CRACD: variants seen among roughly 807,000 people sequenced by gnomAD.
CRACD encodes the protein capping protein inhibiting regulator of actin dynamics.
In CRACD, 56 loss-of-function variants were observed where a neutral mutation model predicts 106.8. That is an observed-to-expected ratio of 0.52 (90% CI 0.42 to 0.66). The LOEUF is 0.66. Ranked by LOEUF, CRACD falls within the 30% of genes least tolerant of loss-of-function variation. The pLI is 0.00. For missense variants in CRACD, 1,730 were observed against 1,623.2 expected, an observed-to-expected ratio of 1.07 and a Z score of -1.13; for synonymous variants, 754 against 670.8, an observed-to-expected ratio of 1.12 and a Z score of -1.92.
At chr4:56,214,681 C>CTCTCTCTCTCTCTCTCTCTCTCTA in intron 2 of CRACD, among the ~76,000 whole-genome samples, 2 of 80,970 alleles carry the variant, frequency 2.5e-5, no homozygotes, top group African/African-American at 4.3e-5. Context: ...CTCTCTCTCT[C>CTCTCTCTCTCTCTCTCTCTCTCTA]TATATATATA....
chr4:56,200,034 T>C (rs1316489744), intron 2 of CRACD, among the ~76,000 whole-genome samples: 1 of 151,858 alleles, frequency 6.6e-6, no homozygotes, highest in Non-Finnish European at 1.5e-5. Context: ...AGAAGTCTAT[T>C]ATTTTTTACC....
intron 2 of CRACD, among the ~76,000 whole-genome samples, chr4:56,214,681 C>CTCTCTCTCTCTCTCTATATATATATA: frequency 1.2e-5 from 1 of 80,970 alleles, no homozygotes; most frequent in African/African-American, 4.3e-5. Context: ...CTCTCTCTCT[C>CTCTCTCTCTCTCTCTATATATATATA]TATATATATA....
chr4:56,050,873 G>T (rs1731851561), intron 1 of CRACD, among the ~76,000 whole-genome samples: 1 of 152,144 alleles, frequency 6.6e-6, no homozygotes, highest in South Asian at 2.1e-4. Context: ...TCACTCTAAA[G>T]ACTTAGCAGT....
rs186613287 is a variant in CRACD, at chr4:56,318,241, C to T, written c.3187+1552C>T. On this transcript the variant is annotated intron_variant, in intron 8 of 10. Coordinates refer to ENST00000682029, the MANE Select transcript of CRACD (RefSeq NM_001393381.1). The stretch of plus-strand genomic sequence containing the variant: ...TGAACTCCTGGGATCATGCATCCCT[C>T]CTGCCTAAGCCTCCTCGTAGGTGGG... 2.6e-3 allele frequency among the ~76,000 whole-genome samples: 398 copies of T among 152,262 alleles called. 2 individuals are homozygous for T. Among genetic ancestry groups the T allele is most frequent in the Non-Finnish European group, 4.5e-3 (308 of 68,030 alleles).
intron 2 of CRACD, among the ~76,000 whole-genome samples, chr4:56,193,124 G>A (rs941094250): frequency 6.6e-6 from 1 of 152,222 alleles, no homozygotes; most frequent in African/African-American, 2.4e-5. Context: ...GAAGAGCAAA[G>A]GGATGTTTTA....
intron 1 of CRACD, chr4:56,097,451 T>A (rs2109827420): frequency 1.3e-5 from 2 of 152,742 alleles, no homozygotes; most frequent in Middle Eastern, 3.4e-3. Context: ...CTAAGCAGGG[T>A]CGGGCCTGGT....
chr4:56,072,753 C>T (rs1732703085), intron 1 of CRACD, among the ~76,000 whole-genome samples: 1 of 152,136 alleles, frequency 6.6e-6, no homozygotes, highest in African/African-American at 2.4e-5. Flanking sequence ...TCTTCCTCCC[C>T]TTGTTTCCCC....
At chr4:56,069,167 C>T (rs541925266) in intron 1 of CRACD, among the ~76,000 whole-genome samples, 2 of 152,256 alleles carry the variant, frequency 1.3e-5, no homozygotes, top group East Asian at 1.9e-4. Flanking sequence ...ACCTCGATTT[C>T]GGACTTTTGG....
chr4:56,084,928 A>G (rs536365340), intron 1 of CRACD, among the ~76,000 whole-genome samples: 2 of 152,204 alleles, frequency 1.3e-5, no homozygotes, highest in Non-Finnish European at 2.9e-5. Context: ...TGCTTTAAGT[A>G]TTAAAATAGA....
chr4:56,050,280 G>A (rs915159673), intron 1 of CRACD, among the ~76,000 whole-genome samples: 1 of 73,742 alleles, frequency 1.4e-5, no homozygotes, highest in African/African-American at 8.3e-5. Context: ...GGGAGTGTGT[G>A]TGTGTGTGTG....
chr4:56,319,512 G>T (rs1229644466), intron 8 of CRACD, among the ~76,000 whole-genome samples: 1 of 152,020 alleles, frequency 6.6e-6, no homozygotes, highest in African/African-American at 2.4e-5. Flanking sequence ...GCTGAGGTGG[G>T]AGGATTGCTT....
chr4:56,150,108 T>C (rs1047223785), intron 1 of CRACD, among the ~76,000 whole-genome samples: 2 of 152,124 alleles, frequency 1.3e-5, no homozygotes, highest in Non-Finnish European at 2.9e-5. Flanking sequence ...CATTGAAACA[T>C]AGAGATCAAT....
intron 1 of CRACD, among the ~76,000 whole-genome samples, chr4:56,159,163 T>C (rs1270837076): frequency 1.3e-5 from 2 of 152,262 alleles, no homozygotes; most frequent in Non-Finnish European, 1.5e-5. Context: ...AAAGGAAAAG[T>C]ATTCACAGGG....
At chr4:56,279,821 C>T (rs1384624497) in intron 3 of CRACD, among the ~76,000 whole-genome samples, 3 of 152,220 alleles carry the variant, frequency 2.0e-5, no homozygotes, top group South Asian at 2.1e-4. Flanking sequence ...ATAAATCATG[C>T]GGCTCTAAAG....
At position 56,108,421 on chromosome 4, in the gene CRACD, C is replaced by T. The variant is rs145211266; in HGVS notation, c.-336+59122C>T. 3.7e-3 allele frequency among the ~76,000 whole-genome samples: 566 copies of T among 152,272 alleles called. 4 individuals are homozygous for T. Among genetic ancestry groups the T allele is most frequent in the African/African-American group, 0.013 (531 of 41,554 alleles). On this transcript the variant is annotated intron_variant, in intron 1 of 10. Transcript: ENST00000682029. ...GGAGAATATAAAATACAATGATTGA[C>T]TAGTACTCATCCAAAGTTTCGAGGT...
At chr4:56,113,582 C>A (rs79176572) in intron 1 of CRACD, among the ~76,000 whole-genome samples, 1 of 152,002 alleles carries the variant, frequency 6.6e-6, no homozygotes, top group Non-Finnish European at 1.5e-5. Context: ...GGAGCTAAGA[C>A]GATTGAGCAA....
chr4:56,097,071 T>TTGGAGGTTG (rs1733621323), intron 1 of CRACD, among the ~76,000 whole-genome samples: 1 of 152,112 alleles, frequency 6.6e-6, no homozygotes, highest in African/African-American at 2.4e-5. Context: ...TGAGGCCTGG[T>TTGGAGGTTG]GCACAAAGTT....
At chr4:56,311,461 A>G (rs1577896380) in intron 6 of CRACD, 1 of 152,192 alleles carries the variant, frequency 6.6e-6, no homozygotes, top group Non-Finnish European at 1.5e-5. Flanking sequence ...GTGCTTATCT[A>G]TGTCTTCAAT....
At chr4:56,160,217 C>T (rs910757740) in intron 1 of CRACD, among the ~76,000 whole-genome samples, 9 of 131,970 alleles carry the variant, frequency 6.8e-5, no homozygotes, top group Non-Finnish European at 1.4e-4. Flanking sequence ...AAGTCTCATT[C>T]TGTCGCCCAG....
Sources: gnomAD v4.1 joint callset for allele counts (sites outside exome capture counted in the v4.1 genomes callset) on GRCh38, gnomAD v4.1.1 for gene constraint, MANE v1.5 for transcripts, NCBI Gene and HGNC (gene_info 2026-07-23, HGNC 2026-07-21) for gene names.